The following PIEZO2 variants were observed in gnomAD, a reference collection of about 807,000 sequenced individuals.
The protein encoded by PIEZO2 is piezo-type mechanosensitive ion channel component 2.
In PIEZO2, 172 loss-of-function variants were observed where a neutral mutation model predicts 337.3. That is an observed-to-expected ratio of 0.51 (90% CI 0.45 to 0.58). The LOEUF (loss-of-function observed/expected upper bound fraction) is 0.58. Ranked by LOEUF, PIEZO2 falls within the 20% of genes least tolerant of loss-of-function variation. The pLI, the probability that PIEZO2 is intolerant of heterozygous loss-of-function variation, is 0.00. For missense variants in PIEZO2, 3,028 were observed against 3,391.3 expected (o/e 0.89, Z 2.66); for synonymous variants, 1,251 against 1,228.5 (o/e 1.02, Z -0.38).
chr18:10,684,291 A>G (rs377681729), intron 49 of PIEZO2, among the ~76,000 whole-genome samples: 9,291 of 142,318 alleles, frequency 0.065, 1,003 homozygotes, highest in African/African-American at 0.23. Context: ...TCAGCCTCCC[A>G]AGTAGCTGGG....
At chr18:10,801,343 T>A (rs912640737) in intron 10 of PIEZO2, 47 bp downstream of exon 10, 1 of 1,422,126 alleles carries the variant, frequency 7.0e-7, no homozygotes, top group Non-Finnish European at 9.5e-7. Flanking sequence ...TTGTTGCCTT[T>A]ACATCACTTA....
At chr18:11,036,345 T>G (rs921748906) in intron 2 of PIEZO2, among the ~76,000 whole-genome samples, 2 of 152,146 alleles carry the variant, frequency 1.3e-5, no homozygotes. Flanking sequence ...CTAATGTTTT[T>G]CATCTTAGGG....
chr18:10,809,282 T>C (rs1343824425), intron 7 of PIEZO2, among the ~76,000 whole-genome samples: 2 of 138,754 alleles, frequency 1.4e-5, no homozygotes, highest in Non-Finnish European at 3.1e-5. Context: ...TTTTTTTTTT[T>C]TTTTTTTGAG....
Position 10,837,668 on chromosome 18 carries a change from C to T in PIEZO2, c.917+17685G>A. Among the ~76,000 whole-genome samples the T allele has an allele frequency of 6.6e-6, 1 of 152,286 alleles. No homozygotes were observed. Among genetic ancestry groups the T allele is most frequent in the African/African-American group, 2.4e-5 (1 of 41,562 alleles). ...ACATATGAATGAAAACAAAGACATA[C>T]CATCAAAAAGGCATGGGTAGTCAGA... On this transcript the variant is annotated intron_variant, in intron 7 of 55. Coordinates refer to ENST00000674853, the MANE Select transcript of PIEZO2 (RefSeq NM_001378183.1). This position sits in a 1 kb window ranked among gnomAD's most constrained non-coding sequence, Gnocchi z 4.4.
intron 35 of PIEZO2, among the ~76,000 whole-genome samples, chr18:10,733,074 AAG>A (rs545725615): frequency 7.4e-4 from 112 of 152,242 alleles, no homozygotes; most frequent in African/African-American, 2.6e-3. Flanking sequence ...CTGGGAGGAA[AAG>A]GGGAGAGGAA....
At chr18:11,090,277 G>A (rs2039036634) in intron 1 of PIEZO2, among the ~76,000 whole-genome samples, 1 of 151,884 alleles carries the variant, frequency 6.6e-6, no homozygotes, top group African/African-American at 2.4e-5. Flanking sequence ...AGAAATAAAA[G>A]AGAGAGAGAG....
intron 7 of PIEZO2, among the ~76,000 whole-genome samples, chr18:10,810,081 T>G (rs2040141086): frequency 6.6e-6 from 1 of 152,348 alleles, no homozygotes; most frequent in South Asian, 2.1e-4. Context: ...CTACTGATAA[T>G]GTATACAAAT....
chr18:11,039,708 T>C (rs1229212125), intron 2 of PIEZO2, among the ~76,000 whole-genome samples: 1 of 151,876 alleles, frequency 6.6e-6, no homozygotes, highest in Non-Finnish European at 1.5e-5. Context: ...CCTATTAACC[T>C]ATATAACTTC....
chr18:10,791,180 C>T (rs980278007), intron 14 of PIEZO2, 21 bp downstream of exon 14: 1 of 1,518,196 alleles, frequency 6.6e-7, no homozygotes, highest in Non-Finnish European at 8.8e-7. Context: ...ACTCTCCAGC[C>T]ACACATATAC....
chr18:10,710,566 G>A (rs56288743), intron 39 of PIEZO2, among the ~76,000 whole-genome samples: 2,109 of 152,334 alleles, frequency 0.014, 56 homozygotes, highest in African/African-American at 0.047. Context: ...GAAAGAAACC[G>A]TGACTATTCT....
intron 3 of PIEZO2, among the ~76,000 whole-genome samples, chr18:10,974,217 T>C (rs2034350546): frequency 6.6e-6 from 1 of 152,192 alleles, no homozygotes; most frequent in Admixed American, 6.5e-5. Flanking sequence ...CTGGGAGCCT[T>C]GTGTGTTTCA....
chr18:10,803,137 T>C (rs560142313), intron 9 of PIEZO2, among the ~76,000 whole-genome samples: 3 of 152,296 alleles, frequency 2.0e-5, no homozygotes, highest in Non-Finnish European at 2.9e-5. Flanking sequence ...TTAAAACCCA[T>C]TGGCATATCA....
intron 2 of PIEZO2, among the ~76,000 whole-genome samples, chr18:11,055,378 A>G (rs1337247403): frequency 6.6e-6 from 1 of 152,198 alleles, no homozygotes; most frequent in Admixed American, 6.5e-5. Flanking sequence ...TTGGAAAGGT[A>G]TAAATACCAA....
chr18:11,135,341 G>A lies in PIEZO2; in HGVS notation c.64+13184C>T, dbSNP rs115439278. 3.3e-3 allele frequency among the ~76,000 whole-genome samples: 506 copies of A among 152,270 alleles called. 3 individuals carry two copies. Among genetic ancestry groups the A allele is most frequent in the African/African-American group, 0.012 (483 of 41,556 alleles). On this transcript the variant is annotated intron_variant, in intron 1 of 55. Transcript: ENST00000674853. ...GAATAAACATCTTGGATGACTGTAC[G>A]ATTCTGGTGGGGAATGTACAAGATC...
Position 10,676,297 on chromosome 18 carries a change from T to C in PIEZO2, c.8082-1009A>G, listed in dbSNP as rs1371169646. Among the ~76,000 whole-genome samples, 3 of 152,168 alleles carry C rather than the reference T, an allele frequency of 2.0e-5. No individual in the cohort carries two copies. The highest frequency in any genetic ancestry group is 4.4e-5 in the Non-Finnish European group (3 of 68,024). ...ATTTCTAAGGCCTGCACCCTGGTGATCCATATATTCCATGCATTACAATGG... is the reference window on the plus strand; with the variant it reads ...ATTTCTAAGGCCTGCACCCTGGTGACCCATATATTCCATGCATTACAATGG... On this transcript the variant is annotated intron_variant, in intron 53 of 55. Coordinates refer to ENST00000674853, the MANE Select transcript of PIEZO2 (RefSeq NM_001378183.1). The surrounding 1 kb of genome is among the most constrained non-coding windows in gnomAD (Gnocchi z 5.1).
In PIEZO2 at chr18:10,952,467, G is replaced by A. The variant is rs2033338233; in HGVS notation, c.286+27068C>T. On this transcript the variant is annotated intron_variant, in intron 3 of 55. Transcript: ENST00000674853. The surrounding 1 kb of genome is among the most constrained non-coding windows in gnomAD (Gnocchi z 4.1). ...TAATTATTGTAAATATAATCATATA[G>A]TATGTAGCATTCTGATACTGTCTGA... is the stretch of plus-strand genomic sequence containing the variant. Among the ~76,000 whole-genome samples, 1 of 152,072 alleles carries A rather than the reference G, an allele frequency of 6.6e-6. No individual in the cohort carries two copies. Among genetic ancestry groups the A allele is most frequent in the Admixed American group, 6.5e-5 (1 of 15,268 alleles).
At chr18:11,066,088 T>C in intron 2 of PIEZO2, 39 bp downstream of exon 2, 1 of 1,453,864 alleles carries the variant, frequency 6.9e-7, no homozygotes, top group Non-Finnish European at 9.3e-7. Flanking sequence ...ACATTCAGAC[T>C]GTATAACTCT....
chr18:10,885,771 A>C (rs1177936735), intron 4 of PIEZO2, among the ~76,000 whole-genome samples: 1 of 152,146 alleles, frequency 6.6e-6, no homozygotes, highest in Non-Finnish European at 1.5e-5. Context: ...AAGTGAAAAA[A>C]CATAATGCAT....
At position 10,837,211 on chromosome 18, in the gene PIEZO2, G is replaced by A. The variant is rs8083746; in HGVS notation, c.917+18142C>T. Among the ~76,000 whole-genome samples, 3,911 of 152,296 alleles carry A rather than the reference G, an allele frequency of 0.026. 168 individuals carry two copies. Among genetic ancestry groups the A allele is most frequent in the African/African-American group, 0.089 (3,705 of 41,558 alleles). On this transcript the variant is annotated intron_variant, in intron 7 of 55. Coordinates refer to ENST00000674853, the MANE Select transcript of PIEZO2 (RefSeq NM_001378183.1). This position sits in a 1 kb window ranked among gnomAD's most constrained non-coding sequence, Gnocchi z 4.4. Reference sequence around the variant, plus strand: ...AACAGAACCTGGAAATCAATGCTTTGAGGGGATTTTATTTTGACAGCTTTC... The same window carrying A: ...AACAGAACCTGGAAATCAATGCTTTAAGGGGATTTTATTTTGACAGCTTTC...
Sources: gnomAD v4.1 joint callset for allele counts (sites outside exome capture counted in the v4.1 genomes callset) on GRCh38, gnomAD v4.1.1 for gene constraint, Gnocchi (gnomAD v3.1) non-coding constraint, MANE v1.5 for transcripts, NCBI Gene and HGNC (gene_info 2026-07-23, HGNC 2026-07-21) for gene names.